OPHN1: variants seen among roughly 807,000 people sequenced by gnomAD.
OPHN1 encodes the protein oligophrenin-1.
Under a neutral mutation model 60.7 loss-of-function variants are expected in OPHN1, and 11 were observed. The ratio of observed to expected loss-of-function variants is 0.18; its 90% confidence interval spans 0.11 to 0.30. The LOEUF is 0.30. OPHN1 is among the 10% of genes least tolerant of loss of function. The pLI is 1.00. For missense variants in OPHN1, 449 were observed against 611.0 expected (o/e 0.73, Z 2.80); for synonymous variants, 226 against 222.6 (o/e 1.02, Z -0.14).
At chrX:68,300,456 T>C (rs1408496516) in intron 2 of OPHN1, among the ~76,000 whole-genome samples, 2 of 112,366 alleles carry the variant, frequency 1.8e-5, no homozygotes, top group African/African-American at 6.5e-5. Context: ...TCACTGAAAA[T>C]AGTAATAATA....
chrX:68,081,273 G>A (rs1251683610), intron 19 of OPHN1, among the ~76,000 whole-genome samples: 1 of 111,638 alleles, frequency 9.0e-6, no homozygotes, highest in Non-Finnish European at 1.9e-5. Context: ...AGAGTACAAA[G>A]TAGAGGTCAA....
intron 18 of OPHN1, among the ~76,000 whole-genome samples, chrX:68,102,749 T>C (rs764327729): frequency 7.2e-5 from 8 of 111,609 alleles, no homozygotes; most frequent in Admixed American, 5.7e-4. Flanking sequence ...TATAAATACC[T>C]CTACACAAAT....
At chrX:68,411,580 G>GTT (rs1446176521) in intron 2 of OPHN1, among the ~76,000 whole-genome samples, 1 of 112,062 alleles carries the variant, frequency 8.9e-6, no homozygotes, top group Non-Finnish European at 1.9e-5. Flanking sequence ...TTTGAAAAGT[G>GTT]TCAGTCGTGT....
intron 15 of OPHN1, among the ~76,000 whole-genome samples, chrX:68,174,520 G>A (rs2077405815): frequency 1.2e-5 from 1 of 86,679 alleles, no homozygotes; most frequent in African/African-American, 4.6e-5. Context: ...CACCCAGGCT[G>A]GAGTGCAGTG....
rs1023362955 is a variant in OPHN1, at chrX:68,335,657, G to A, written c.155-36561C>T. Among the ~76,000 whole-genome samples, 4 of 112,042 alleles carry A rather than the reference G, an allele frequency of 3.6e-5. No homozygotes were observed. In the South Asian group the frequency reaches 1.1e-3, roughly 31 times the overall value. On this transcript the variant is annotated intron_variant, in intron 2 of 24. Coordinates refer to ENST00000355520, the MANE Select transcript of OPHN1 (RefSeq NM_002547.3). ...TTTATTATCAGAATTTGCTGGGCAC[G>A]GTGGCTCACGCCTGTAAAATCAGCA...
At position 68,333,255 on chromosome X, in the gene OPHN1, AAATAAT is replaced by A. The variant is rs541199386; in HGVS notation, c.155-34165_155-34160del. 1.7e-4 allele frequency among the ~76,000 whole-genome samples: 18 copies of A among 108,103 alleles called. No individual in the cohort carries two copies. The South Asian group carries it at 4.0e-3, about 24-fold the overall frequency. The allele number at this position is 108,103 out of a possible 115,157, so 93.9% of individuals were successfully genotyped here. On this transcript the variant is annotated intron_variant, in intron 2 of 24. Coordinates refer to ENST00000355520, the MANE Select transcript of OPHN1 (RefSeq NM_002547.3). ...TACATAGTGAGACCCCCATCTCTAC[AAATAAT>A]AATAATAATAATAATAATAGAATGC...
intron 2 of OPHN1, among the ~76,000 whole-genome samples, chrX:68,393,024 T>C (rs2078661485): frequency 1.8e-5 from 2 of 112,266 alleles, no homozygotes; most frequent in Admixed American, 9.4e-5. Flanking sequence ...GAGGGTCCAC[T>C]GAGCTGATTA....
chrX:68,336,191 T>A (rs1389443866), intron 2 of OPHN1, among the ~76,000 whole-genome samples: 7 of 109,887 alleles, frequency 6.4e-5, no homozygotes, highest in Admixed American at 5.9e-4. Flanking sequence ...TTAATTTTTT[T>A]AAACTGAGAT....
At chrX:68,392,379 TA>T (rs770066666) in intron 2 of OPHN1, among the ~76,000 whole-genome samples, 3 of 111,438 alleles carry the variant, frequency 2.7e-5, no homozygotes, top group Non-Finnish European at 3.8e-5. Context: ...AAGCTATTAA[TA>T]GTTAAATTTG....
At chrX:68,214,440 A>G (rs1036975764) in intron 6 of OPHN1, among the ~76,000 whole-genome samples, 1 of 112,190 alleles carries the variant, frequency 8.9e-6, no homozygotes, top group African/African-American at 3.2e-5. Flanking sequence ...GAAATGGTAA[A>G]ATCTGAGCAC....
At chrX:68,413,045 T>TA (rs1344817561) in intron 2 of OPHN1, among the ~76,000 whole-genome samples, 1 of 111,558 alleles carries the variant, frequency 9.0e-6, no homozygotes, top group African/African-American at 3.3e-5. Context: ...CTGCAGTCAC[T>TA]CAAAGCAAGG....
intron 6 of OPHN1, 110 bp downstream of exon 6, chrX:68,234,377 T>G: frequency 9.8e-6 from 6 of 613,493 alleles, no homozygotes; most frequent in Non-Finnish European, 1.6e-5. Flanking sequence ...TACTATCACA[T>G]GAGGTTCCCT....
chrX:68,193,981 T>A (rs191910197), intron 13 of OPHN1, 29 bp from the exon 14 acceptor site: 2 of 1,141,565 alleles, frequency 1.8e-6, no homozygotes, highest in South Asian at 3.6e-5. Context: ...AAGAGTTAGA[T>A]CCTGCTGCAA....
chrX:68,393,181 T>C (rs1034996501), intron 2 of OPHN1, among the ~76,000 whole-genome samples: 1 of 112,754 alleles, frequency 8.9e-6, no homozygotes, highest in African/African-American at 3.2e-5. Flanking sequence ...GCCACACCTC[T>C]GTTGCATGTC....
intron 10 of OPHN1, among the ~76,000 whole-genome samples, chrX:68,203,825 C>T (rs1295095905): frequency 8.9e-6 from 1 of 112,474 alleles, no homozygotes; most frequent in African/African-American, 3.2e-5. Flanking sequence ...TCTGACTAAA[C>T]TCTTACTTAT....
At chrX:68,066,167 A>G (rs1602133322) in intron 20 of OPHN1, among the ~76,000 whole-genome samples, 1 of 112,610 alleles carries the variant, frequency 8.9e-6, no homozygotes, top group East Asian at 2.8e-4. Context: ...ACTCAGGAGT[A>G]ACTCAAGCAC....
chrX:68,086,070 T>C (rs773796390), intron 19 of OPHN1, among the ~76,000 whole-genome samples: 15 of 107,930 alleles, frequency 1.4e-4, no homozygotes, highest in African/African-American at 2.7e-4. Context: ...TCCTGGCTAC[T>C]TGGGAGGCTG....
intron 5 of OPHN1, among the ~76,000 whole-genome samples, chrX:68,242,939 C>T (rs2077788605): frequency 9.0e-6 from 1 of 110,928 alleles, no homozygotes; most frequent in Non-Finnish European, 1.9e-5. Flanking sequence ...GCGATCTTGG[C>T]TCACTGCAAC....
chrX:68,219,459 C>CA (rs2077638932), intron 6 of OPHN1, among the ~76,000 whole-genome samples: 1 of 107,848 alleles, frequency 9.3e-6, no homozygotes, highest in African/African-American at 3.4e-5. Context: ...CTCTCCACCC[C>CA]AAATCAACAG....
Sources: gnomAD v4.1 joint callset for allele counts (sites outside exome capture counted in the v4.1 genomes callset) on GRCh38, gnomAD v4.1.1 for gene constraint, MANE v1.5 for transcripts, NCBI Gene and HGNC (gene_info 2026-07-23, HGNC 2026-07-21) for gene names.